Variants in CPED1 observed in about 807,000 individuals in gnomAD.
CPED1 encodes cadherin-like and PC-esterase domain-containing protein 1.
A neutral mutation model predicts 128.2 loss-of-function variants in CPED1; 114 were observed. That is an observed-to-expected ratio of 0.89 (90% CI 0.76 to 1.04). The LOEUF is 1.04. Ranked by LOEUF, CPED1 falls within the 50% of genes least tolerant of loss-of-function variation. The pLI is 0.00. For missense variants in CPED1, 1,211 were observed against 1,207.1 expected (o/e 1.00, Z -0.05); for synonymous variants, 462 against 426.7 (o/e 1.08, Z -1.02).
chr7:121,098,143 A>G (rs1281761268), intron 6 of CPED1, among the ~76,000 whole-genome samples: 3 of 152,134 alleles, frequency 2.0e-5, no homozygotes, highest in Non-Finnish European at 4.4e-5. Flanking sequence ...TTTATACTCA[A>G]ATGACTTTGC....
chr7:121,003,196 C>T (rs1562988316), intron 2 of CPED1, among the ~76,000 whole-genome samples: 1 of 152,156 alleles, frequency 6.6e-6, no homozygotes, highest in Non-Finnish European at 1.5e-5. Context: ...CCCAGGTCTT[C>T]CTTCATTCAA....
intron 3 of CPED1, among the ~76,000 whole-genome samples, chr7:121,046,214 G>C (rs1414715766): frequency 6.6e-6 from 1 of 152,098 alleles, no homozygotes; most frequent in African/African-American, 2.4e-5. Flanking sequence ...TTCGTCCTTG[G>C]TGAAATAGCT....
At chr7:121,279,266 T>TTA (rs71530062) in intron 22 of CPED1, among the ~76,000 whole-genome samples, 2 of 151,860 alleles carry the variant, frequency 1.3e-5, no homozygotes, top group Non-Finnish European at 2.9e-5. Flanking sequence ...TTATTTTTTT[T>TTA]ATCACAACTA....
At chr7:121,233,530 C>G (rs146618019) in intron 16 of CPED1, among the ~76,000 whole-genome samples, 1 of 151,980 alleles carries the variant, frequency 6.6e-6, no homozygotes, top group Admixed American at 6.6e-5. Flanking sequence ...GCCTGAGCGA[C>G]AGAGGAAGGC....
At chr7:121,176,097 A>G (rs1025287186) in intron 16 of CPED1, among the ~76,000 whole-genome samples, 2 of 151,220 alleles carry the variant, frequency 1.3e-5, no homozygotes, top group African/African-American at 4.9e-5. Context: ...TAATACTAGC[A>G]GGACTCTGGC....
chr7:121,039,381 C>G (rs1158445336), intron 3 of CPED1, among the ~76,000 whole-genome samples: 4 of 151,966 alleles, frequency 2.6e-5, no homozygotes, highest in Non-Finnish European at 5.9e-5. Context: ...CTTTCTGACA[C>G]TGCAACAGTC....
At chr7:121,129,993 T>C in intron 11 of CPED1, 132 bp from the exon 12 acceptor site, 1 of 716,818 alleles carries the variant, frequency 1.4e-6, no homozygotes, top group Non-Finnish European at 2.2e-6. Flanking sequence ...GAAAACTAAT[T>C]TATGGTACTG....
intron 18 of CPED1, among the ~76,000 whole-genome samples, chr7:121,260,904 AT>A (rs1018686266): frequency 1.7e-4 from 26 of 151,866 alleles, no homozygotes; most frequent in South Asian, 6.3e-4. Flanking sequence ...AATGATTTTA[AT>A]TTTTTTTCTT....
intron 4 of CPED1, among the ~76,000 whole-genome samples, chr7:121,060,959 C>G: frequency 6.6e-6 from 1 of 152,134 alleles, no homozygotes; most frequent in East Asian, 1.9e-4. Flanking sequence ...GAGGAACGAA[C>G]AACTCCAGAC....
At chr7:121,080,579 C>T (rs1485988277) in intron 5 of CPED1, among the ~76,000 whole-genome samples, 2 of 152,068 alleles carry the variant, frequency 1.3e-5, no homozygotes, top group Non-Finnish European at 2.9e-5. Context: ...TCCAGGAGTT[C>T]GCTGCTGAGG....
chr7:121,287,278 G>GACAC (rs150391829), intron 22 of CPED1, among the ~76,000 whole-genome samples: 1 of 151,102 alleles, frequency 6.6e-6, no homozygotes, highest in Non-Finnish European at 1.5e-5. Context: ...CACAGACACA[G>GACAC]ACACACACAC....
chr7:121,126,325 AT>A (rs960675823), intron 9 of CPED1, among the ~76,000 whole-genome samples: 2 of 151,278 alleles, frequency 1.3e-5, no homozygotes, highest in African/African-American at 4.9e-5. Context: ...GAATTTTTGA[AT>A]TTTTTTTTCT....
At chr7:121,126,571 A>G (rs1267163588) in intron 9 of CPED1, among the ~76,000 whole-genome samples, 2 of 152,162 alleles carry the variant, frequency 1.3e-5, no homozygotes, top group Non-Finnish European at 2.9e-5. Context: ...ATGTATAACT[A>G]GAATATAGCT....
intron 14 of CPED1, 47 bp from the exon 15 acceptor site, chr7:121,140,780 T>A: frequency 7.6e-7 from 1 of 1,323,210 alleles, no homozygotes. Context: ...TAAAGATATT[T>A]ACCCACTTCA....
chr7:121,111,436 C>G (rs1166654142), intron 7 of CPED1, among the ~76,000 whole-genome samples: 1 of 152,136 alleles, frequency 6.6e-6, no homozygotes, highest in African/African-American at 2.4e-5. Flanking sequence ...ACAGCCTTGG[C>G]AGGGGTGCCT....
In CPED1 at chr7:121,295,760, C is replaced by G; in HGVS notation, c.*108C>G. On this transcript the variant is annotated 3_prime_UTR_variant, in exon 23 of 23. Coordinates refer to ENST00000310396, the MANE Select transcript of CPED1 (RefSeq NM_024913.5). ...GCACACATTTGGGATCGACCACACA[C>G]ACTTGTGCACACCAGCACATGCATG... 1.3e-6 allele frequency: 1 copy of G among 787,062 alleles called. No individual in the cohort carries two copies. Among genetic ancestry groups the G allele is most frequent in the Non-Finnish European group, 2.1e-6 (1 of 468,690 alleles). 48.8% of individuals were successfully genotyped at this position (787,062 alleles called of 1,614,324 possible). A position where few individuals can be genotyped will look rare whatever the true frequency, so the allele number is the denominator to read the frequency against.
chr7:121,168,789 C>T (rs1292224178), intron 16 of CPED1, among the ~76,000 whole-genome samples: 3 of 152,050 alleles, frequency 2.0e-5, no homozygotes, highest in Admixed American at 6.6e-5. Flanking sequence ...TCTATGAGTT[C>T]AATTGTTTTG....
chr7:121,144,422 T>G (rs947091681), intron 16 of CPED1, among the ~76,000 whole-genome samples: 1 of 151,946 alleles, frequency 6.6e-6, no homozygotes, highest in Admixed American at 6.6e-5. Context: ...GTGAAATAAG[T>G]CAGGAACAAA....
intron 16 of CPED1, among the ~76,000 whole-genome samples, chr7:121,225,748 CCTT>C (rs1392305804): frequency 6.6e-6 from 1 of 152,028 alleles, no homozygotes; most frequent in African/African-American, 2.4e-5. Context: ...TCACTGATAC[CCTT>C]CTTCTACTTC....
Sources: gnomAD v4.1 joint callset for allele counts (sites outside exome capture counted in the v4.1 genomes callset) on GRCh38, gnomAD v4.1.1 for gene constraint, MANE v1.5 for transcripts, NCBI Gene and HGNC (gene_info 2026-07-23, HGNC 2026-07-21) for gene names.